The following DLG2 variants were observed in gnomAD, a reference collection of about 807,000 sequenced individuals.
DLG2 encodes the protein discs large MAGUK scaffold protein 2.
DLG2 carries 45 observed loss-of-function variants against 132.5 expected under a neutral mutation model. That is an observed-to-expected ratio of 0.34 (90% CI 0.27 to 0.44). The LOEUF is 0.44. DLG2 is among the 20% of genes least tolerant of loss of function. The pLI, the probability that DLG2 is intolerant of heterozygous loss-of-function variation, is 1.00. For missense variants in DLG2, 1,045 were observed against 1,196.9 expected (o/e 0.87, Z 1.87); for synonymous variants, 424 against 419.6 (o/e 1.01, Z -0.13).
rs144940267 is a variant in DLG2, at chr11:84,293,977, G to A, written c.520-42686C>T. Reference sequence around the variant, plus strand: ...ATCTTTCCTTCCCTCCCTGGACCACGCATTGCCACCACCAGAAAAAGAGTC... The same window carrying A: ...ATCTTTCCTTCCCTCCCTGGACCACACATTGCCACCACCAGAAAAAGAGTC... On this transcript the variant is annotated intron_variant, in intron 7 of 27. Transcript: ENST00000376104. 3.9e-4 allele frequency among the ~76,000 whole-genome samples: 60 copies of A among 152,218 alleles called. 2 individuals are homozygous for A. The East Asian group carries it at 0.011, about 27-fold the overall frequency.
At chr11:84,267,036 A>C (rs983315500) in intron 7 of DLG2, among the ~76,000 whole-genome samples, 3 of 152,248 alleles carry the variant, frequency 2.0e-5, no homozygotes, top group Non-Finnish European at 4.4e-5. Context: ...AAAATGCACG[A>C]GAGAAATAGG....
At chr11:85,194,952 A>C (rs2080916700) in intron 4 of DLG2, among the ~76,000 whole-genome samples, 1 of 152,190 alleles carries the variant, frequency 6.6e-6, no homozygotes, top group Non-Finnish European at 1.5e-5. Flanking sequence ...AAAGTACAAA[A>C]AGTCTGGTAG....
intron 3 of DLG2, among the ~76,000 whole-genome samples, chr11:85,557,756 CAGA>C (rs2077014801): frequency 6.6e-6 from 1 of 151,780 alleles, no homozygotes; most frequent in Non-Finnish European, 1.5e-5. Context: ...TAGCTATATG[CAGA>C]AGAATGAACC....
chr11:84,659,398 G>C (rs76445694), intron 6 of DLG2, among the ~76,000 whole-genome samples: 4,298 of 152,148 alleles, frequency 0.028, 233 homozygotes, highest in African/African-American at 0.097. Flanking sequence ...AGACTGGAAT[G>C]TCATCCTCTT....
chr11:84,962,016 C>T (rs941113813), intron 6 of DLG2, among the ~76,000 whole-genome samples: 1 of 152,172 alleles, frequency 6.6e-6, no homozygotes, highest in Non-Finnish European at 1.5e-5. Flanking sequence ...ATGGAGGAAA[C>T]AAATGAAGAG....
chr11:84,480,864 G>A (rs886974684), intron 7 of DLG2, among the ~76,000 whole-genome samples: 10 of 150,394 alleles, frequency 6.6e-5, no homozygotes, highest in Admixed American at 5.3e-4. Context: ...TCAGCCTCCT[G>A]AGTAGCTGGG....
chr11:83,462,553 A>G (rs1222515485), intron 26 of DLG2, among the ~76,000 whole-genome samples: 1 of 152,160 alleles, frequency 6.6e-6, no homozygotes, highest in African/African-American at 2.4e-5. Flanking sequence ...AGTGTATCTC[A>G]GACTTTCTGA....
intron 6 of DLG2, among the ~76,000 whole-genome samples, chr11:84,875,019 C>CA (rs563276131): frequency 0.07 from 4,150 of 59,292 alleles, 219 homozygotes; most frequent in African/African-American, 0.17. Flanking sequence ...TACTTCATCT[C>CA]AAAAAAAAAA....
chr11:84,465,994 A>G (rs2099093330), intron 7 of DLG2, among the ~76,000 whole-genome samples: 1 of 151,258 alleles, frequency 6.6e-6, no homozygotes, highest in African/African-American at 2.4e-5. Context: ...TACTACTCAG[A>G]TTGAATACAG....
intron 23 of DLG2, among the ~76,000 whole-genome samples, chr11:83,471,955 T>C (rs2092090157): frequency 6.7e-6 from 1 of 150,202 alleles, no homozygotes; most frequent in African/African-American, 2.4e-5. Flanking sequence ...GCAATTGCAG[T>C]ATCTGTTGAT....
chr11:85,484,613 A>T (rs2093384855), intron 3 of DLG2, among the ~76,000 whole-genome samples: 1 of 152,124 alleles, frequency 6.6e-6, no homozygotes, highest in African/African-American at 2.4e-5. Context: ...GCTCACCATC[A>T]CTGGCCATCA....
chr11:85,408,767 G>T (rs2089031651), intron 3 of DLG2, among the ~76,000 whole-genome samples: 1 of 151,588 alleles, frequency 6.6e-6, no homozygotes, highest in African/African-American at 2.4e-5. Context: ...TGGTGTATGT[G>T]TGCCACATTT....
chr11:84,858,043 C>T (rs1215100278), intron 6 of DLG2, among the ~76,000 whole-genome samples: 1 of 151,910 alleles, frequency 6.6e-6, no homozygotes, highest in African/African-American at 2.4e-5. Context: ...CAGGTACATG[C>T]CATCACAGCT....
At chr11:84,753,760 G>C (rs2066489167) in intron 6 of DLG2, among the ~76,000 whole-genome samples, 1 of 152,194 alleles carries the variant, frequency 6.6e-6, no homozygotes, top group South Asian at 2.1e-4. Flanking sequence ...TCACTAGAAG[G>C]CTAAGCCTTG....
intron 4 of DLG2, among the ~76,000 whole-genome samples, chr11:85,272,301 T>C (rs541409765): frequency 1.3e-5 from 2 of 152,206 alleles, no homozygotes; most frequent in Non-Finnish European, 2.9e-5. Context: ...TAAACCTCTT[T>C]CTTTTGTAAG....
At chr11:83,857,321 A>G (rs768176099) in intron 16 of DLG2, among the ~76,000 whole-genome samples, 6 of 152,262 alleles carry the variant, frequency 3.9e-5, no homozygotes, top group Middle Eastern at 3.4e-3. Context: ...GTTCCATATG[A>G]TTTTAAAATA....
chr11:84,616,245 G>A lies in DLG2; in HGVS notation c.358-81514C>T, dbSNP rs147791223. Among the ~76,000 whole-genome samples, 24 of 152,102 alleles carry A rather than the reference G, an allele frequency of 1.6e-4. No homozygotes were observed. In the East Asian group the frequency reaches 4.2e-3, roughly 27 times the overall value. On this transcript the variant is annotated intron_variant, in intron 6 of 27. Coordinates refer to ENST00000376104, the MANE Select transcript of DLG2 (RefSeq NM_001142699.3). ...TTTCAGTTGACAAAATCTGGTCTTTGTAGTTACAGATAACCTAATGGGTTT... is the reference window on the plus strand; with the variant it reads ...TTTCAGTTGACAAAATCTGGTCTTTATAGTTACAGATAACCTAATGGGTTT...
chr11:83,706,271 T>G (rs962995171), intron 18 of DLG2, among the ~76,000 whole-genome samples: 2 of 152,124 alleles, frequency 1.3e-5, no homozygotes, highest in Non-Finnish European at 2.9e-5. Context: ...AAAATTTATT[T>G]GACAATGTTT....
At chr11:84,977,085 G>A (rs1246765729) in intron 6 of DLG2, among the ~76,000 whole-genome samples, 1 of 151,958 alleles carries the variant, frequency 6.6e-6, no homozygotes, top group African/African-American at 2.4e-5. Flanking sequence ...TTCTGTTCAA[G>A]TGTTTACTTG....
Sources: allele counts gnomAD v4.1 joint callset (sites outside exome capture counted in the v4.1 genomes callset), GRCh38; gene constraint gnomAD v4.1.1; transcripts MANE v1.5; gene names NCBI Gene and HGNC (gene_info 2026-07-23, HGNC 2026-07-21).